The following ARHGAP15 variants were observed in gnomAD, a reference collection of about 807,000 sequenced individuals.
The protein encoded by ARHGAP15 is rho GTPase-activating protein 15.
A neutral mutation model predicts 63.7 loss-of-function variants in ARHGAP15; 51 were observed. The ratio of observed to expected loss-of-function variants is 0.80; its 90% CI spans 0.64 to 1.01. The LOEUF is 1.01. ARHGAP15 is among the 50% of genes least tolerant of loss of function. The pLI is 0.00. For synonymous variants in ARHGAP15, 191 were observed against 193.8 expected, an observed-to-expected ratio of 0.99 and a Z score of 0.12; for missense variants, 560 against 564.6, an observed-to-expected ratio of 0.99 and a Z score of 0.08.
chr2:143,290,995 G>T (rs1377606732), intron 6 of ARHGAP15, among the ~76,000 whole-genome samples: 1 of 152,060 alleles, frequency 6.6e-6, no homozygotes, highest in African/African-American at 2.4e-5. Context: ...GTTATGAAGT[G>T]GCCAGTGAGA....
intron 12 of ARHGAP15, among the ~76,000 whole-genome samples, chr2:143,637,832 T>G (rs1434996295): frequency 2.0e-5 from 3 of 150,374 alleles, no homozygotes; most frequent in Non-Finnish European, 3.0e-5. Context: ...CATCAAAAAG[T>G]GGGCGAAGGA....
intron 6 of ARHGAP15, chr2:143,295,777 T>C (rs1485580008): frequency 6.6e-6 from 1 of 152,042 alleles, no homozygotes; most frequent in Non-Finnish European, 1.5e-5. Context: ...ATATTTTTAA[T>C]TCTATGTAAC....
At chr2:143,580,254 C>T (rs1252411398) in intron 11 of ARHGAP15, among the ~76,000 whole-genome samples, 2 of 151,870 alleles carry the variant, frequency 1.3e-5, no homozygotes, top group Non-Finnish European at 2.9e-5. Context: ...AGATTTGTGC[C>T]ATTGCAAGTA....
chr2:143,153,844 TC>T (rs1368176908), intron 1 of ARHGAP15, among the ~76,000 whole-genome samples: 3,781 of 64,016 alleles, frequency 0.059, 79 homozygotes, highest in South Asian at 0.099. Context: ...TTCTTCTTCT[TC>T]CTCCTCCTCC....
rs191436036 is a variant in ARHGAP15, at chr2:143,167,622, A to G, written c.165+11967A>G. Among the ~76,000 whole-genome samples, 3 of 152,198 alleles carry G rather than the reference A, an allele frequency of 2.0e-5. No homozygotes were observed. The East Asian group carries it at 5.8e-4, about 30-fold the overall frequency. On this transcript the variant is annotated intron_variant, in intron 2 of 13. Coordinates refer to ENST00000295095, the MANE Select transcript of ARHGAP15 (RefSeq NM_018460.4). ...TGATGAAACCTTGTTCCCCAAGGTC[A>G]CCAACATGTACCTAGAACCCTGGTT...
chr2:143,524,966 G>C (rs947706948), intron 10 of ARHGAP15, among the ~76,000 whole-genome samples: 1 of 152,132 alleles, frequency 6.6e-6, no homozygotes, highest in Non-Finnish European at 1.5e-5. Flanking sequence ...ATTTGATCCA[G>C]TGCACCAGTC....
intron 9 of ARHGAP15, among the ~76,000 whole-genome samples, chr2:143,496,693 CCTCAAGATGTTTCCCTTTT>C (rs1692832617): frequency 6.6e-6 from 1 of 152,182 alleles, no homozygotes; most frequent in Non-Finnish European, 1.5e-5. Flanking sequence ...TAAATCAAGT[CCTCAAGATGTTTCCCTTTT>C]CTCAAGTAAA....
intron 2 of ARHGAP15, among the ~76,000 whole-genome samples, chr2:143,175,968 A>G (rs1690995276): frequency 1.3e-5 from 2 of 152,328 alleles, no homozygotes; most frequent in South Asian, 4.1e-4. Context: ...GAAAGAAATT[A>G]GTATGTTATA....
Position 143,310,356 on chromosome 2 carries a change from G to A in ARHGAP15, c.474+59756G>A, listed in dbSNP as rs556370096. Among the ~76,000 whole-genome samples the A allele has an allele frequency of 6.6e-5, 10 of 151,850 alleles. No homozygotes were observed. In the South Asian group the frequency reaches 1.5e-3, roughly 22 times the overall value. On this transcript the variant is annotated intron_variant, in intron 6 of 13. Transcript: ENST00000295095. ...CAATTGTAAATGATTGTATTATATC[G>A]GTATGTTATCATGAAGATTAGAAAT...
intron 1 of ARHGAP15, among the ~76,000 whole-genome samples, chr2:143,135,996 G>C (rs1689117897): frequency 6.6e-6 from 1 of 152,098 alleles, no homozygotes; most frequent in African/African-American, 2.4e-5. Context: ...GTGTCTCATA[G>C]AGACATCAAA....
intron 3 of ARHGAP15, among the ~76,000 whole-genome samples, 172 bp downstream of exon 3, chr2:143,202,374 G>A (rs1360491433): frequency 3.3e-5 from 5 of 152,058 alleles, no homozygotes; most frequent in Non-Finnish European, 2.9e-5. Flanking sequence ...TGCAACAAAA[G>A]CATCAGCCAG....
Position 143,424,831 on chromosome 2 carries a change from G to A in ARHGAP15, c.475-10770G>A, listed in dbSNP as rs370201426. 7.2e-5 allele frequency among the ~76,000 whole-genome samples: 11 copies of A among 152,210 alleles called. No homozygotes were observed. In the South Asian group the frequency reaches 1.7e-3, roughly 23 times the overall value. ...GATTAGAAGCTTCTTAAGAGGAAGG[G>A]TCACTGCTAACTTTTTTGTATACCT... On this transcript the variant is annotated intron_variant, in intron 6 of 13. Coordinates refer to ENST00000295095, the MANE Select transcript of ARHGAP15 (RefSeq NM_018460.4).
At chr2:143,248,389 C>T (rs1320369486) in intron 5 of ARHGAP15, among the ~76,000 whole-genome samples, 1 of 152,152 alleles carries the variant, frequency 6.6e-6, no homozygotes, top group Non-Finnish European at 1.5e-5. Flanking sequence ...ATTCTGGAGT[C>T]TAGTGAGAAA....
intron 3 of ARHGAP15, among the ~76,000 whole-genome samples, chr2:143,205,251 G>C (rs1336169172): frequency 7.7e-6 from 1 of 129,726 alleles, no homozygotes; most frequent in Non-Finnish European, 1.6e-5. Flanking sequence ...TGTGCAGAGA[G>C]AGATAAAAAA....
At chr2:143,303,693 A>C (rs531876728) in intron 6 of ARHGAP15, among the ~76,000 whole-genome samples, 9 of 152,278 alleles carry the variant, frequency 5.9e-5, no homozygotes, top group Admixed American at 5.2e-4. Context: ...AATGGGAGAA[A>C]ATGTTTGCAA....
chr2:143,623,671 T>C (rs1271703493), intron 11 of ARHGAP15, among the ~76,000 whole-genome samples: 1 of 152,274 alleles, frequency 6.6e-6, no homozygotes. Context: ...ATAGCAAGGC[T>C]AACACATGTA....
At chr2:143,333,653 C>T (rs1034698920) in intron 6 of ARHGAP15, among the ~76,000 whole-genome samples, 31 of 152,250 alleles carry the variant, frequency 2.0e-4, no homozygotes, top group Middle Eastern at 3.4e-3. Context: ...TGTGTTACTT[C>T]GGGGCTTCTA....
At chr2:143,519,408 T>C in intron 10 of ARHGAP15, 44 bp downstream of exon 10, 1 of 1,490,246 alleles carries the variant, frequency 6.7e-7, no homozygotes, top group Non-Finnish European at 9.3e-7. Flanking sequence ...TACTGCACCC[T>C]CTACACAACC....
intron 13 of ARHGAP15, among the ~76,000 whole-genome samples, chr2:143,711,272 T>C (rs2105441222): frequency 6.6e-6 from 1 of 152,376 alleles, no homozygotes; most frequent in African/African-American, 2.4e-5. Context: ...TATCGTCTCC[T>C]GAGGCAGATA....
Sources: gnomAD v4.1 joint callset for allele counts (sites outside exome capture counted in the v4.1 genomes callset) on GRCh38, gnomAD v4.1.1 for gene constraint, MANE v1.5 for transcripts, NCBI Gene and HGNC (gene_info 2026-07-23, HGNC 2026-07-21) for gene names.